Variants in BICC1 observed in about 807,000 individuals in gnomAD.
BICC1 encodes BicC family RNA binding protein 1.
Under a neutral mutation model 111.0 loss-of-function variants are expected in BICC1, and 43 were observed. The ratio of observed to expected loss-of-function variants is 0.39; its 90% CI spans 0.30 to 0.50. The LOEUF (loss-of-function observed/expected upper bound fraction) is 0.50. Ranked by LOEUF, BICC1 falls within the 20% of genes least tolerant of loss-of-function variation. BICC1 has a pLI of 0.88. For missense variants in BICC1, 1,091 were observed against 1,203.2 expected (o/e 0.91, Z 1.38); for synonymous variants, 467 against 434.4 (o/e 1.07, Z -0.93).
intron 1 of BICC1, among the ~76,000 whole-genome samples, chr10:58,523,487 T>C (rs980286841): frequency 3.9e-5 from 6 of 152,196 alleles, no homozygotes; most frequent in African/African-American, 1.4e-4. Flanking sequence ...GAAAAGGCCT[T>C]TGACAAAATT....
At chr10:58,618,875 A>G (rs1845706759) in intron 1 of BICC1, among the ~76,000 whole-genome samples, 1 of 152,192 alleles carries the variant, frequency 6.6e-6, no homozygotes, top group Non-Finnish European at 1.5e-5. Flanking sequence ...TGTATTCTCT[A>G]CAGAGGCCAT....
chr10:58,644,928 T>C (rs1312192205), intron 2 of BICC1, among the ~76,000 whole-genome samples: 1 of 152,174 alleles, frequency 6.6e-6, no homozygotes, highest in Non-Finnish European at 1.5e-5. Flanking sequence ...AAATACCGGT[T>C]CTTAATAACA....
intron 3 of BICC1, among the ~76,000 whole-genome samples, chr10:58,731,035 C>T (rs1841275535): frequency 6.6e-6 from 1 of 152,162 alleles, no homozygotes; most frequent in African/African-American, 2.4e-5. Flanking sequence ...ATAAGAGTAC[C>T]AGTTTCAGAT....
intron 3 of BICC1, among the ~76,000 whole-genome samples, chr10:58,710,237 C>G (rs1840530904): frequency 6.6e-6 from 1 of 152,170 alleles, no homozygotes; most frequent in East Asian, 1.9e-4. Flanking sequence ...TAGCAGACCT[C>G]AAACCCAAAT....
chr10:58,677,167 G>A (rs1026204876), intron 2 of BICC1, among the ~76,000 whole-genome samples: 10 of 152,128 alleles, frequency 6.6e-5, no homozygotes, highest in African/African-American at 1.2e-4. Context: ...ACAACTCCTC[G>A]CCAGCAAAGG....
At chr10:58,629,671 G>A (rs1418534805) in intron 2 of BICC1, among the ~76,000 whole-genome samples, 4 of 152,050 alleles carry the variant, frequency 2.6e-5, no homozygotes, top group Non-Finnish European at 5.9e-5. Context: ...TGTACCTTTG[G>A]TACCTTACTT....
intron 3 of BICC1, among the ~76,000 whole-genome samples, chr10:58,773,857 A>T (rs971623807): frequency 1.3e-5 from 2 of 152,202 alleles, no homozygotes; most frequent in African/African-American, 4.8e-5. Flanking sequence ...CGGCTTAATC[A>T]CACCCTGAGA....
At chr10:58,526,598 G>T (rs1200549040) in intron 1 of BICC1, among the ~76,000 whole-genome samples, 1 of 151,970 alleles carries the variant, frequency 6.6e-6, no homozygotes, top group East Asian at 1.9e-4. Context: ...CCCACGACAG[G>T]ACCCAGTGTG....
chr10:58,557,163 G>A (rs1053546872), intron 1 of BICC1, among the ~76,000 whole-genome samples: 4 of 151,870 alleles, frequency 2.6e-5, no homozygotes, highest in Non-Finnish European at 5.9e-5. Context: ...CTAGGTTGAC[G>A]GTGTTTTAAA....
In BICC1 at chr10:58,804,726, G is replaced by C. The variant is rs142244072; in HGVS notation, c.2181+1484G>C. On this transcript the variant is annotated intron_variant, in intron 15 of 20. Coordinates refer to ENST00000373886, the MANE Select transcript of BICC1 (RefSeq NM_001080512.3). ...TTTCTTGTTTCTTTCTTTTAGGATG[G>C]ATGAGCATGTTCTTAATGTTTGAGT... 4.1e-4 allele frequency among the ~76,000 whole-genome samples: 62 copies of C among 152,142 alleles called. No homozygotes were observed. The East Asian group carries it at 0.011, about 27-fold the overall frequency.
At chr10:58,565,437 C>G (rs1214299470) in intron 1 of BICC1, among the ~76,000 whole-genome samples, 1 of 152,158 alleles carries the variant, frequency 6.6e-6, no homozygotes, top group Non-Finnish European at 1.5e-5. Flanking sequence ...CCAAAATTCT[C>G]TGCCTCTGTG....
intron 1 of BICC1, among the ~76,000 whole-genome samples, chr10:58,595,618 G>A (rs1466601463): frequency 1.3e-5 from 2 of 152,114 alleles, no homozygotes; most frequent in African/African-American, 2.4e-5. Flanking sequence ...AATGACTGCT[G>A]GGTAAATAAC....
At chr10:58,763,604 A>G (rs1350244578) in intron 3 of BICC1, among the ~76,000 whole-genome samples, 1 of 152,206 alleles carries the variant, frequency 6.6e-6, no homozygotes, top group Admixed American at 6.5e-5. Flanking sequence ...TAGTGTTTAT[A>G]TTAAAGGACA....
intron 1 of BICC1, among the ~76,000 whole-genome samples, chr10:58,548,803 G>A (rs540690994): frequency 6.6e-6 from 1 of 152,150 alleles, no homozygotes; most frequent in East Asian, 1.9e-4. Flanking sequence ...TGTGTTTTTG[G>A]GGAGGGGAGG....
Position 58,781,088 on chromosome 10 carries a change from C to T in BICC1, c.308-3913C>T, listed in dbSNP as rs532467160. Among the ~76,000 whole-genome samples the T allele has an allele frequency of 1.8e-4, 27 of 152,294 alleles. No homozygotes were observed. In the South Asian group the frequency reaches 5.4e-3, roughly 30 times the overall value. ...AGAGAAGGTTGGATTACCATCTGGT[C>T]ACTTTCTCTTCATTAGGATGACACC... On this transcript the variant is annotated intron_variant, in intron 3 of 20. Coordinates refer to ENST00000373886, the MANE Select transcript of BICC1 (RefSeq NM_001080512.3).
chr10:58,823,134 A>G, intron 20 of BICC1: 1 of 559,296 alleles, frequency 1.8e-6, no homozygotes, highest in African/African-American at 2.1e-5. Flanking sequence ...TCAAATGTAC[A>G]GGGACTCAGT....
intron 3 of BICC1, among the ~76,000 whole-genome samples, chr10:58,761,455 C>T (rs1842313687): frequency 6.6e-6 from 1 of 152,174 alleles, no homozygotes; most frequent in Non-Finnish European, 1.5e-5. Flanking sequence ...CAGAGATGCC[C>T]ATCAATGTAG....
chr10:58,807,117 A>G lies in BICC1; in HGVS notation c.2335A>G (p.Asn779Asp), dbSNP rs778870934. The change falls in exon 17 of 21, where the codon AAT (asparagine) becomes GAT (aspartate). Residue 779 changes from asparagine (N) to aspartate (D), a missense_variant. Around this residue, in one of 3 missense-constraint regions of BICC1, gnomAD observed 231 missense variants for 256.2 expected, o/e 0.90. Coordinates refer to ENST00000373886, the MANE Select transcript of BICC1 (RefSeq NM_001080512.3). Reference protein sequence around the residue: ...AETIKELRRANHVSYKPTMTT... With the variant: ...AETIKELRRADHVSYKPTMTT... ...AACTATCAAGGAGTTGAGAAGGGCC[A>G]ATCATGTGTCCTATAAGCCCACAAT... The G allele has an allele frequency of 3.1e-6, 5 of 1,613,970 alleles. No individual in the cohort carries two copies. In the South Asian group the frequency reaches 4.4e-5, roughly 14 times the overall value.
chr10:58,776,640 T>C (rs1589128278), intron 3 of BICC1, among the ~76,000 whole-genome samples: 1 of 152,198 alleles, frequency 6.6e-6, no homozygotes, highest in East Asian at 1.9e-4. Flanking sequence ...GTTTTTGCCA[T>C]GTGGGGTGTC....
Sources: allele counts gnomAD v4.1 joint callset (sites outside exome capture counted in the v4.1 genomes callset), GRCh38; gene constraint gnomAD v4.1.1; regional missense constraint gnomAD v4.1.1; transcripts MANE v1.5; gene names NCBI Gene and HGNC (gene_info 2026-07-23, HGNC 2026-07-21).